Variants in MAF observed in about 807,000 individuals in gnomAD.
MAF encodes the protein MAF bZIP transcription factor.
MAF carries 10 observed loss-of-function variants against 22.0 expected under a neutral mutation model. That is an observed-to-expected ratio of 0.45 (90% CI 0.28 to 0.77). The LOEUF is 0.77. Among genes scored for constraint, MAF ranks in the 30% least tolerant of loss-of-function variants. The probability of loss-of-function intolerance (pLI) is 0.12; values close to 1 mark genes in which losing one functional copy is unlikely to be tolerated. For synonymous variants in MAF, 337 were observed against 255.8 expected (o/e 1.32, Z -3.03); for missense variants, 544 against 548.4 (o/e 0.99, Z 0.08).
chr16:79,375,024 T>C, the MAF span, among the ~76,000 whole-genome samples: 1 of 152,210 alleles, frequency 6.6e-6, no homozygotes, highest in African/African-American at 2.4e-5. Flanking sequence ...CAGGATTATC[T>C]TCTTACTCTC....
the MAF span, among the ~76,000 whole-genome samples, chr16:79,541,402 C>T: frequency 3.3e-5 from 5 of 151,938 alleles, no homozygotes; most frequent in Non-Finnish European, 7.4e-5. Flanking sequence ...GGCAGTCATG[C>T]GCAGGGCTGA....
At chr16:79,551,770 C>T in the MAF span, among the ~76,000 whole-genome samples, 1 of 151,992 alleles carries the variant, frequency 6.6e-6, no homozygotes, top group Non-Finnish European at 1.5e-5. Flanking sequence ...AATGCTATGC[C>T]CATTCATTTA....
At chr16:79,435,480 G>A in the MAF span, among the ~76,000 whole-genome samples, 1 of 152,192 alleles carries the variant, frequency 6.6e-6, no homozygotes, top group East Asian at 1.9e-4. Flanking sequence ...CATTGAGCTT[G>A]TACTATGTCC....
At chr16:79,528,359 C>T in the MAF span, among the ~76,000 whole-genome samples, 1 of 152,188 alleles carries the variant, frequency 6.6e-6, no homozygotes, top group African/African-American at 2.4e-5. Flanking sequence ...CTGGATGCAT[C>T]TAGCTTCTGT....
At chr16:79,264,823 C>T in the MAF span, among the ~76,000 whole-genome samples, 10 of 152,098 alleles carry the variant, frequency 6.6e-5, no homozygotes, top group African/African-American at 1.7e-4. Flanking sequence ...TTCAAGACAG[C>T]GGTTCCTGCC....
chr16:79,575,339 A>T, the MAF span, among the ~76,000 whole-genome samples: 1 of 152,170 alleles, frequency 6.6e-6, no homozygotes, highest in South Asian at 2.1e-4. Context: ...TGAACAAGAG[A>T]TATACACCTG....
At chr16:79,218,326 G>T in the MAF span, among the ~76,000 whole-genome samples, 1 of 150,824 alleles carries the variant, frequency 6.6e-6, no homozygotes, top group Non-Finnish European at 1.5e-5. Flanking sequence ...CCATTATTTG[G>T]AAACCCATTC....
the MAF span, among the ~76,000 whole-genome samples, chr16:79,519,926 G>C: frequency 2.6e-4 from 40 of 152,248 alleles, no homozygotes; most frequent in Admixed American, 2.6e-3. Flanking sequence ...ATCCGGGACA[G>C]CGCATGTTTG....
the MAF span, among the ~76,000 whole-genome samples, chr16:79,379,400 A>C: frequency 6.6e-6 from 1 of 152,160 alleles, no homozygotes; most frequent in Non-Finnish European, 1.5e-5. Context: ...TGTATGCATG[A>C]GTTGCCAATG....
chr16:79,210,845 G>C, the MAF span, among the ~76,000 whole-genome samples: 6 of 152,238 alleles, frequency 3.9e-5, no homozygotes, highest in Admixed American at 3.3e-4. Context: ...TTACTCAAAA[G>C]GTGAATGAAA....
chr16:79,237,738 T>A, the MAF span, among the ~76,000 whole-genome samples: 1 of 152,104 alleles, frequency 6.6e-6, no homozygotes, highest in East Asian at 1.9e-4. Flanking sequence ...GTCCTGTGTA[T>A]TTGCAGGGTG....
Position 79,594,497 on chromosome 16 carries a change from G to A in MAF, c.1175C>T (p.Pro392Leu), listed in dbSNP as rs1486598761. The A allele has an allele frequency of 2.6e-6, 4 of 1,567,184 alleles. No individual in the cohort carries two copies. Among genetic ancestry groups the A allele is most frequent in the East Asian group, 2.3e-5 (1 of 42,990 alleles). Reference sequence around the variant, plus strand: ...CACACTGGTAAGTACACGATGCTGGGGCTTCCAAAATGTGGCGTATCCCAC... The same window carrying A: ...CACACTGGTAAGTACACGATGCTGGAGCTTCCAAAATGTGGCGTATCCCAC... Reference protein sequence around the residue: ...PSVGYATFWKPQHRVLTSVFT... With the variant: ...PSVGYATFWKLQHRVLTSVFT... The change falls in exon 2 of 2, where the codon CCC becomes CTC. Residue 392 changes from proline (P) to leucine (L), a missense_variant. Pro to Leu is a moderately conservative substitution (Grantham distance 98). Coordinates refer to ENST00000326043, the MANE Select transcript of MAF (RefSeq NM_005360.5).
chr16:79,590,098 G>T (rs777159512), downstream of MAF, among the ~76,000 whole-genome samples: 4 of 152,160 alleles, frequency 2.6e-5, no homozygotes, highest in Non-Finnish European at 4.4e-5. Context: ...CCAGCCCCAC[G>T]CAGCTGCAGC....
the MAF span, among the ~76,000 whole-genome samples, chr16:79,352,316 T>C: frequency 1.3e-5 from 2 of 152,170 alleles, no homozygotes; most frequent in Admixed American, 1.3e-4. Flanking sequence ...CCACGTCTTC[T>C]ATAATTATAG....
At chr16:79,210,963 A>G in the MAF span, among the ~76,000 whole-genome samples, 6 of 152,208 alleles carry the variant, frequency 3.9e-5, no homozygotes, top group East Asian at 1.2e-3. Flanking sequence ...GACATTTAGA[A>G]AAAGGTTTTC....
chr16:79,362,137 C>G, the MAF span, among the ~76,000 whole-genome samples: 1 of 152,138 alleles, frequency 6.6e-6, no homozygotes, highest in African/African-American at 2.4e-5. Context: ...TGGTGCTATT[C>G]ACAGTGCTTA....
chr16:79,319,384 T>A, the MAF span, among the ~76,000 whole-genome samples: 1 of 152,250 alleles, frequency 6.6e-6, no homozygotes, highest in South Asian at 2.1e-4. Context: ...CTCAGACTAT[T>A]TGTAAAAAAT....
chr16:79,590,317 C>G (rs1458932825), downstream of MAF, among the ~76,000 whole-genome samples: 1 of 152,178 alleles, frequency 6.6e-6, no homozygotes, highest in African/African-American at 2.4e-5. Context: ...GGCTTCAAGA[C>G]CATTGCACCA....
At chr16:79,439,705 A>G in the MAF span, among the ~76,000 whole-genome samples, 2 of 152,358 alleles carry the variant, frequency 1.3e-5, no homozygotes, top group Admixed American at 6.5e-5. Flanking sequence ...AAAGAGGTCC[A>G]TGTTACATAG....
Sources: allele counts gnomAD v4.1 joint callset (sites outside exome capture counted in the v4.1 genomes callset), GRCh38; gene constraint gnomAD v4.1.1; transcripts MANE v1.5; gene names NCBI Gene and HGNC (gene_info 2026-07-23, HGNC 2026-07-21).